Variants in PRSS23 observed in about 807,000 individuals in gnomAD.
The protein encoded by PRSS23 is protease, serine 23.
PRSS23 carries 25 observed loss-of-function variants against 34.7 expected under a neutral mutation model. The observed-to-expected ratio is 0.72, with a 90% CI of 0.53 to 1.01. The LOEUF is 1.01. Among genes scored for constraint, PRSS23 ranks in the 50% least tolerant of loss-of-function variants. PRSS23 has a pLI of 0.00. For missense variants in PRSS23, 445 were observed against 475.6 expected, an observed-to-expected ratio of 0.94 and a Z score of 0.60; for synonymous variants, 176 against 186.6, an observed-to-expected ratio of 0.94 and a Z score of 0.46.
chr11:86,835,479 C>G (rs1431518270), intron 2 of PRSS23, among the ~76,000 whole-genome samples: 2 of 152,156 alleles, frequency 1.3e-5, no homozygotes, highest in Non-Finnish European at 2.9e-5. Flanking sequence ...GGGTTAGGGC[C>G]CTCTTTAGGG....
rs188492548 is a variant in PRSS23, at chr11:86,883,445, A to C, written c.206+59852A>C. On this transcript the variant is annotated intron_variant, in intron 2 of 2. Coordinates refer to the PRSS23 transcript ENST00000533902. ...CTGGAATAACTGGATAGCCATATGC[A>C]GAAAATTGAAACTGGACTCCTTCTT... 9.4e-3 allele frequency among the ~76,000 whole-genome samples: 1,427 copies of C among 152,382 alleles called. 23 individuals carry two copies. The highest frequency in any genetic ancestry group is 0.032 in the African/African-American group (1,318 of 41,588).
At chr11:86,855,170 T>TAA (rs200091495) in intron 2 of PRSS23, among the ~76,000 whole-genome samples, 2 of 140,534 alleles carry the variant, frequency 1.4e-5, no homozygotes, top group African/African-American at 2.6e-5. Flanking sequence ...CCACCTCAAT[T>TAA]AAAAAAAAAA....
chr11:86,832,593 A>C (rs533619260), intron 2 of PRSS23: 4 of 489,554 alleles, frequency 8.2e-6, no homozygotes, highest in Admixed American at 6.1e-5. Flanking sequence ...CTGTAGATGA[A>C]GGGGTTCAGC....
chr11:86,798,589 C>T (rs569959893), upstream of PRSS23, among the ~76,000 whole-genome samples: 1 of 152,288 alleles, frequency 6.6e-6, no homozygotes, highest in South Asian at 2.1e-4. Context: ...GTCCAGGAAA[C>T]GTTACTAATT....
At chr11:86,938,652 T>C (rs897765129) in intron 2 of PRSS23, among the ~76,000 whole-genome samples, 1 of 149,298 alleles carries the variant, frequency 6.7e-6, no homozygotes, top group African/African-American at 2.5e-5. Context: ...TATCAGCCGA[T>C]GTGATGGATT....
chr11:86,873,945 C>T, intron 2 of PRSS23, among the ~76,000 whole-genome samples: 1 of 152,142 alleles, frequency 6.6e-6, no homozygotes, highest in East Asian at 1.9e-4. Flanking sequence ...CTGTGTTATT[C>T]TGAGTCCTAT....
chr11:86,931,187 T>C (rs533932075), intron 2 of PRSS23, among the ~76,000 whole-genome samples: 1 of 152,354 alleles, frequency 6.6e-6, no homozygotes, highest in South Asian at 2.1e-4. Flanking sequence ...CAGTTTCTTA[T>C]AAAGTTAAAC....
chr11:86,849,541 G>A (rs555473072), intron 2 of PRSS23, among the ~76,000 whole-genome samples: 5 of 152,204 alleles, frequency 3.3e-5, no homozygotes, highest in South Asian at 2.1e-4. Context: ...CTTATCAAAC[G>A]CAATATCCCT....
intron 2 of PRSS23, among the ~76,000 whole-genome samples, chr11:86,925,456 T>C (rs1949075024): frequency 6.6e-6 from 1 of 152,152 alleles, no homozygotes; most frequent in Non-Finnish European, 1.5e-5. Flanking sequence ...CCAACCTTAA[T>C]AGTAGCAGGG....
intron 2 of PRSS23, among the ~76,000 whole-genome samples, chr11:86,835,005 G>T (rs1948393807): frequency 6.6e-6 from 1 of 152,094 alleles, no homozygotes; most frequent in Admixed American, 6.5e-5. Flanking sequence ...CCTCTAAATG[G>T]TCCCCTCAAG....
chr11:86,913,919 T>C (rs572099633), intron 2 of PRSS23, among the ~76,000 whole-genome samples: 2 of 151,164 alleles, frequency 1.3e-5, no homozygotes, highest in African/African-American at 4.9e-5. Context: ...GACTAGAAAG[T>C]TGTGGCCAGA....
At chr11:86,814,478 T>C (rs1319896075), downstream of PRSS23, among the ~76,000 whole-genome samples, 1 of 151,916 alleles carries the variant, frequency 6.6e-6, no homozygotes, top group Non-Finnish European at 1.5e-5. Context: ...GGAAGCCAGG[T>C]TGAGGAAGTG....
At chr11:86,857,447 T>C in intron 2 of PRSS23, 1 of 376,532 alleles carries the variant, frequency 2.7e-6, no homozygotes, top group Non-Finnish European at 5.1e-6. Flanking sequence ...CAGGCAAGGT[T>C]GAGAAGTTGA....
intron 2 of PRSS23, chr11:86,937,733 A>G (rs549066782): frequency 3.3e-5 from 5 of 152,342 alleles, no homozygotes; most frequent in Admixed American, 2.6e-4. Flanking sequence ...AGAAATAACC[A>G]TAAAAATAGG....
At chr11:86,828,550 G>A (rs1948322934) in intron 2 of PRSS23, among the ~76,000 whole-genome samples, 1 of 152,134 alleles carries the variant, frequency 6.6e-6, no homozygotes, top group Admixed American at 6.6e-5. Context: ...ATGTTAGCTG[G>A]TTATTTTGCT....
At chr11:86,842,299 A>G (rs902056485) in intron 2 of PRSS23, among the ~76,000 whole-genome samples, 1 of 152,230 alleles carries the variant, frequency 6.6e-6, no homozygotes, top group Non-Finnish European at 1.5e-5. Context: ...AATAAGAGCT[A>G]TTTATGACAA....
At chr11:86,851,201 C>G (rs1335873996) in intron 2 of PRSS23, among the ~76,000 whole-genome samples, 1 of 152,160 alleles carries the variant, frequency 6.6e-6, no homozygotes, top group African/African-American at 2.4e-5. Flanking sequence ...TTAACCATAG[C>G]CATATCTGAG....
At chr11:86,884,220 C>A (rs556738497) in intron 2 of PRSS23, among the ~76,000 whole-genome samples, 4 of 152,202 alleles carry the variant, frequency 2.6e-5, no homozygotes, top group Non-Finnish European at 4.4e-5. Context: ...TTACATCTAT[C>A]GCCATTTGGC....
At chr11:86,847,716 C>T (rs1182752386) in intron 2 of PRSS23, among the ~76,000 whole-genome samples, 3 of 152,200 alleles carry the variant, frequency 2.0e-5, no homozygotes, top group Non-Finnish European at 4.4e-5. Flanking sequence ...TGTACCACTG[C>T]CTGGCCACAG....
Sources: gnomAD v4.1 joint callset for allele counts (sites outside exome capture counted in the v4.1 genomes callset) on GRCh38, gnomAD v4.1.1 for gene constraint, MANE v1.5 for transcripts, NCBI Gene and HGNC (gene_info 2026-07-23, HGNC 2026-07-21) for gene names.